Variants in B3GALT1 observed in about 807,000 individuals in gnomAD.
The protein encoded by B3GALT1 is beta-1,3-galactosyltransferase 1.
In B3GALT1, 10 loss-of-function variants were observed where a neutral mutation model predicts 23.2. The observed-to-expected ratio is 0.43, with a 90% confidence interval of 0.27 to 0.73. The LOEUF is 0.73. Ranked by LOEUF, B3GALT1 falls within the 30% of genes least tolerant of loss-of-function variation. The probability of loss-of-function intolerance (pLI) is 0.21; values close to 1 mark genes in which losing one functional copy is unlikely to be tolerated. For synonymous variants in B3GALT1, 156 were observed against 141.5 expected, an observed-to-expected ratio of 1.10 and a Z score of -0.73; for missense variants, 299 against 405.4, an observed-to-expected ratio of 0.74 and a Z score of 2.25.
intron 2 of B3GALT1, among the ~76,000 whole-genome samples, chr2:167,612,777 T>A (rs1476972670): frequency 6.6e-6 from 1 of 151,926 alleles, no homozygotes; most frequent in Non-Finnish European, 1.5e-5. Flanking sequence ...AATCTAACCA[T>A]GGATCATGGG....
chr2:167,532,863 T>C (rs1205677339), intron 2 of B3GALT1, among the ~76,000 whole-genome samples: 1 of 148,396 alleles, frequency 6.7e-6, no homozygotes, highest in African/African-American at 2.5e-5. Flanking sequence ...TCTTTTTTTT[T>C]TTTTTTTTTT....
intron 1 of B3GALT1, among the ~76,000 whole-genome samples, chr2:167,482,342 T>G (rs1050874695): frequency 6.6e-6 from 1 of 152,220 alleles, no homozygotes; most frequent in Non-Finnish European, 1.5e-5. Context: ...GCTTTCTTTA[T>G]TCTTATAGTA....
At chr2:167,582,673 TG>T (rs1684509122) in intron 2 of B3GALT1, among the ~76,000 whole-genome samples, 1 of 152,126 alleles carries the variant, frequency 6.6e-6, no homozygotes, top group African/African-American at 2.4e-5. Context: ...TCTAGTACAT[TG>T]GTTAGGAGCG....
chr2:167,756,899 A>G (rs765476372), intron 3 of B3GALT1, among the ~76,000 whole-genome samples: 1 of 152,176 alleles, frequency 6.6e-6, no homozygotes, highest in African/African-American at 2.4e-5. Context: ...TCTTTGTAAG[A>G]GGATGAAATA....
intron 2 of B3GALT1, among the ~76,000 whole-genome samples, chr2:167,554,287 C>A (rs961900895): frequency 6.6e-6 from 1 of 152,096 alleles, no homozygotes. Context: ...AAGATATGTC[C>A]TTTCTGAATA....
chr2:167,558,792 C>A (rs576156703), intron 2 of B3GALT1, among the ~76,000 whole-genome samples: 28 of 152,338 alleles, frequency 1.8e-4, no homozygotes, highest in Admixed American at 6.5e-4. Context: ...CTTAGGTAAA[C>A]AAAGCAGCCA....
intron 3 of B3GALT1, among the ~76,000 whole-genome samples, chr2:167,652,822 T>C (rs1685890570): frequency 6.6e-6 from 1 of 152,194 alleles, no homozygotes; most frequent in Non-Finnish European, 1.5e-5. Flanking sequence ...CCTATAAATA[T>C]TTAACATTCT....
chr2:167,693,129 A>G (rs780971133), intron 3 of B3GALT1, among the ~76,000 whole-genome samples: 6 of 152,028 alleles, frequency 3.9e-5, no homozygotes, highest in African/African-American at 1.4e-4. Context: ...AGAATTCACA[A>G]CACAAGAGTG....
intron 1 of B3GALT1, among the ~76,000 whole-genome samples, chr2:167,369,245 A>G (rs1004511534): frequency 1.3e-5 from 2 of 152,094 alleles, no homozygotes; most frequent in African/African-American, 4.8e-5. Context: ...TGTGCATGAC[A>G]GAATAGGATT....
At chr2:167,422,778 G>T (rs773539159) in intron 1 of B3GALT1, among the ~76,000 whole-genome samples, 1 of 152,114 alleles carries the variant, frequency 6.6e-6, no homozygotes, top group East Asian at 1.9e-4. Context: ...AAGGACAGAG[G>T]TGCATTTTTT....
At chr2:167,702,156 C>T (rs1215901895) in intron 3 of B3GALT1, among the ~76,000 whole-genome samples, 3 of 152,138 alleles carry the variant, frequency 2.0e-5, no homozygotes, top group Non-Finnish European at 4.4e-5. Flanking sequence ...TCATGGCTTC[C>T]TGAGGAACTC....
At chr2:167,500,214 T>C (rs1266007746) in intron 2 of B3GALT1, among the ~76,000 whole-genome samples, 27 of 152,164 alleles carry the variant, frequency 1.8e-4, no homozygotes, top group Admixed American at 1.8e-3. Context: ...TCAACCTCTG[T>C]CAATCTTAAT....
chr2:167,520,459 G>A (rs1468179416), intron 2 of B3GALT1, among the ~76,000 whole-genome samples: 1 of 152,132 alleles, frequency 6.6e-6, no homozygotes, highest in African/African-American at 2.4e-5. Context: ...GGTGGAGAAG[G>A]ACTCTCTGGT....
At chr2:167,608,074 G>A (rs1684997167) in intron 2 of B3GALT1, among the ~76,000 whole-genome samples, 1 of 152,126 alleles carries the variant, frequency 6.6e-6, no homozygotes, top group African/African-American at 2.4e-5. Flanking sequence ...ATTATGAAAA[G>A]AAGGCATTCC....
intron 3 of B3GALT1, among the ~76,000 whole-genome samples, chr2:167,704,130 G>C (rs1327455872): frequency 2.9e-5 from 4 of 140,112 alleles, no homozygotes; most frequent in African/African-American, 1.1e-4. Flanking sequence ...GCAATGAGCC[G>C]AGATCGCACC....
Position 167,485,124 on chromosome 2 carries a change from C to G in B3GALT1, c.-510-5053C>G, listed in dbSNP as rs77466482. ...AGTTTTTCAGGTTTACTTTGGAATC[C>G]TCTTGGCCAAGAGGAGGGATCCATT... On this transcript the variant is annotated intron_variant, in intron 1 of 4. Coordinates refer to ENST00000392690, the MANE Select transcript of B3GALT1 (RefSeq NM_020981.4). Among the ~76,000 whole-genome samples the G allele has an allele frequency of 1.6e-4, 25 of 152,190 alleles. No homozygotes were observed. In the East Asian group the frequency reaches 4.8e-3, roughly 29 times the overall value.
At chr2:167,483,621 T>G (rs1479283754) in intron 1 of B3GALT1, among the ~76,000 whole-genome samples, 1 of 152,144 alleles carries the variant, frequency 6.6e-6, no homozygotes, top group Non-Finnish European at 1.5e-5. Flanking sequence ...TTCCCCTAGG[T>G]TGCAGTGGAG....
intron 2 of B3GALT1, among the ~76,000 whole-genome samples, chr2:167,631,271 T>C (rs2105447201): frequency 6.6e-6 from 1 of 151,952 alleles, no homozygotes; most frequent in African/African-American, 2.4e-5. Flanking sequence ...AGATGCTGAT[T>C]TGACCATAAG....
intron 3 of B3GALT1, among the ~76,000 whole-genome samples, chr2:167,806,110 C>T (rs1193920481): frequency 6.6e-6 from 1 of 152,144 alleles, no homozygotes; most frequent in Non-Finnish European, 1.5e-5. Context: ...AAAGTTCACT[C>T]ATTATTTGGC....
Sources: allele counts gnomAD v4.1 joint callset (sites outside exome capture counted in the v4.1 genomes callset), GRCh38; gene constraint gnomAD v4.1.1; transcripts MANE v1.5; gene names NCBI Gene and HGNC (gene_info 2026-07-23, HGNC 2026-07-21).